Variants in ROCK1 observed in about 807,000 individuals in gnomAD.
ROCK1 encodes the protein Rho associated coiled-coil containing protein kinase 1.
Under a neutral mutation model 196.8 loss-of-function variants are expected in ROCK1, and 36 were observed. The observed-to-expected ratio is 0.18, with a 90% CI of 0.14 to 0.24. The LOEUF (loss-of-function observed/expected upper bound fraction) is 0.24. Among genes scored for constraint, ROCK1 ranks in the 10% least tolerant of loss-of-function variants. The probability of loss-of-function intolerance (pLI) is 1.00; values close to 1 mark genes in which losing one functional copy is unlikely to be tolerated. For synonymous variants in ROCK1, 443 were observed against 515.9 expected, an observed-to-expected ratio of 0.86 and a Z score of 1.91; for missense variants, 920 against 1,562.0, an observed-to-expected ratio of 0.59 and a Z score of 6.93.
chr18:21,071,611 A>G (rs751358618), intron 1 of ROCK1, among the ~76,000 whole-genome samples: 3 of 152,238 alleles, frequency 2.0e-5, no homozygotes, highest in Non-Finnish European at 2.9e-5. Context: ...AACTGGAAGA[A>G]CTTCAGATAA....
chr18:20,987,429 G>A (rs1443977817), intron 18 of ROCK1, among the ~76,000 whole-genome samples: 1 of 152,072 alleles, frequency 6.6e-6, no homozygotes, highest in Non-Finnish European at 1.5e-5. Flanking sequence ...AATTAACAAA[G>A]AACAATGAAC....
At chr18:21,062,285 TA>T (rs1319749608) in intron 2 of ROCK1, among the ~76,000 whole-genome samples, 2 of 151,964 alleles carry the variant, frequency 1.3e-5, no homozygotes, top group African/African-American at 4.8e-5. Context: ...TTCCTTTTTT[TA>T]AAAAAAGTAA....
At chr18:21,052,454 C>CTA (rs1259099065) in intron 2 of ROCK1, among the ~76,000 whole-genome samples, 2 of 152,192 alleles carry the variant, frequency 1.3e-5, no homozygotes, top group Non-Finnish European at 2.9e-5. Flanking sequence ...TCTAGGGGTA[C>CTA]TATATAGCCT....
intron 11 of ROCK1, among the ~76,000 whole-genome samples, chr18:21,022,858 ATGTG>A (rs573929547): frequency 6.6e-6 from 1 of 151,550 alleles, no homozygotes; most frequent in Non-Finnish European, 1.5e-5. Flanking sequence ...GTGTGTATAT[ATGTG>A]TGTGTGTGTG....
intron 29 of ROCK1, among the ~76,000 whole-genome samples, chr18:20,959,105 ATATATATAT>A (rs2035293141): frequency 5.9e-5 from 2 of 33,924 alleles, no homozygotes; most frequent in African/African-American, 2.3e-4. Flanking sequence ...TATATATATT[ATATATATAT>A]TATATAATAT....
chr18:21,006,467 C>T lies in ROCK1; in HGVS notation c.1769G>A (p.Arg590Gln), dbSNP rs141266099. Reference sequence around the variant, plus strand: ...TTGTGACTTAGAATTCTCTAAAATTCGATTTCTCTCTTGCAACTCTCTGTT... The same window carrying T: ...TTGTGACTTAGAATTCTCTAAAATTTGATTTCTCTCTTGCAACTCTCTGTT... ...SLNRELQERN[R>Q]ILENSKSQTD... The change falls in exon 16 of 33, where the codon CGA becomes CAA. Residue 590 changes from arginine (R) to glutamine (Q), a missense_variant. By Grantham distance (43) the Arg-to-Gln change is conservative. Coordinates refer to ENST00000399799, the MANE Select transcript of ROCK1 (RefSeq NM_005406.3). 47 of 1,613,548 alleles carry T rather than the reference C, an allele frequency of 2.9e-5. No individual in the cohort carries two copies. The highest frequency in any genetic ancestry group is 3.7e-5 in the Non-Finnish European group (44 of 1,179,922).
chr18:21,016,005 T>C (rs2035860020), intron 12 of ROCK1, among the ~76,000 whole-genome samples: 1 of 151,732 alleles, frequency 6.6e-6, no homozygotes, highest in South Asian at 2.1e-4. Context: ...GCCAATTATA[T>C]TGAAACACAG....
chr18:20,990,575 T>C (rs1219539777), intron 18 of ROCK1, among the ~76,000 whole-genome samples: 21 of 149,148 alleles, frequency 1.4e-4, no homozygotes, highest in Admixed American at 1.3e-3. Context: ...GTGCCTGTAA[T>C]CCCAGCTACT....
intron 7 of ROCK1, 21 bp downstream of exon 7, chr18:21,042,544 C>T (rs2036116237): frequency 6.2e-7 from 1 of 1,611,308 alleles, no homozygotes; most frequent in Non-Finnish European, 8.5e-7. Flanking sequence ...AATAGAGAGA[C>T]ATAAAATCTT....
chr18:20,996,271 G>A (rs956594883), intron 16 of ROCK1, among the ~76,000 whole-genome samples: 10 of 152,074 alleles, frequency 6.6e-5, no homozygotes, highest in African/African-American at 1.7e-4. Flanking sequence ...AAATGCAACC[G>A]ACATACTGAA....
At chr18:21,048,452 A>C (rs1217329204) in intron 4 of ROCK1, among the ~76,000 whole-genome samples, 2 of 152,296 alleles carry the variant, frequency 1.3e-5, no homozygotes, top group African/African-American at 4.8e-5. Context: ...TTTAAATTTT[A>C]ATAATATACG....
intron 1 of ROCK1, among the ~76,000 whole-genome samples, chr18:21,081,371 G>A (rs1303967397): frequency 2.0e-5 from 3 of 151,792 alleles, no homozygotes; most frequent in African/African-American, 4.8e-5. Context: ...CAGTGCAAAG[G>A]AGGAAATTTA....
rs747883475 is a variant in ROCK1, at chr18:20,959,886, C to T, written c.3466G>A (p.Glu1156Lys). Residue 1156 changes from glutamate (E) to lysine (K), a missense_variant, in exon 29 of 33, where the codon GAA becomes AAA. Glu to Lys is a moderately conservative substitution (Grantham distance 56). Transcript: ENST00000399799. ...GGATTGGATTGCTCCTTATCTTGTT[C>T]GTCATTATAGAACAAAATTTTTTTG... ...SSKKILFYND[E>K]QDKEQSNPSM... 12 of 1,611,066 alleles carry T rather than the reference C, an allele frequency of 7.4e-6. No individual in the cohort carries two copies. Among genetic ancestry groups the T allele is most frequent in the East Asian group, 2.2e-5 (1 of 44,674 alleles).
intron 16 of ROCK1, among the ~76,000 whole-genome samples, chr18:21,003,260 C>G (rs1970242220): frequency 1.3e-5 from 2 of 151,866 alleles, no homozygotes; most frequent in African/African-American, 4.8e-5. Flanking sequence ...TAACCGAAAA[C>G]AACAGCAAAA....
At chr18:20,965,543 C>G (rs2035366722) in intron 27 of ROCK1, among the ~76,000 whole-genome samples, 1 of 152,100 alleles carries the variant, frequency 6.6e-6, no homozygotes, top group South Asian at 2.1e-4. Context: ...AAGTGGGAAT[C>G]TAACCTACCA....
At chr18:20,975,895 G>A (rs565319172) in intron 22 of ROCK1, among the ~76,000 whole-genome samples, 2 of 152,354 alleles carry the variant, frequency 1.3e-5, no homozygotes, top group South Asian at 4.1e-4. Context: ...ACAGGCGTGA[G>A]CCACCATGCC....
chr18:21,005,424 C>T (rs2035760180), intron 16 of ROCK1, among the ~76,000 whole-genome samples: 1 of 152,202 alleles, frequency 6.6e-6, no homozygotes, highest in Non-Finnish European at 1.5e-5. Context: ...ATTAGTCTCA[C>T]TTTGAGTAAA....
intron 11 of ROCK1, among the ~76,000 whole-genome samples, chr18:21,023,344 A>C (rs1237065171): frequency 1.3e-5 from 2 of 152,184 alleles, no homozygotes; most frequent in Admixed American, 6.5e-5. Flanking sequence ...ATACATTGAT[A>C]TATCATAGTT....
chr18:21,006,209 T>C (rs2035767212), intron 16 of ROCK1, 142 bp downstream of exon 16: 1 of 667,490 alleles, frequency 1.5e-6, no homozygotes, highest in Non-Finnish European at 2.5e-6. Flanking sequence ...GGACAAACAC[T>C]GTATGATTCC....
Sources: gnomAD v4.1 joint callset for allele counts (sites outside exome capture counted in the v4.1 genomes callset) on GRCh38, gnomAD v4.1.1 for gene constraint, MANE v1.5 for transcripts, NCBI Gene and HGNC (gene_info 2026-07-23, HGNC 2026-07-21) for gene names.